EIF3B: variants seen among roughly 807,000 people sequenced by gnomAD.
The protein encoded by EIF3B is eukaryotic translation initiation factor 3 subunit B.
In EIF3B, 10 loss-of-function variants were observed where a neutral mutation model predicts 104.6. The observed-to-expected ratio is 0.10, with a 90% confidence interval of 0.06 to 0.16. The LOEUF is 0.16. Ranked by LOEUF, EIF3B falls within the 10% of genes least tolerant of loss-of-function variation. The pLI is 1.00. For missense variants in EIF3B, 1,014 were observed against 1,087.9 expected, an observed-to-expected ratio of 0.93 and a Z score of 0.96; for synonymous variants, 542 against 417.2, an observed-to-expected ratio of 1.30 and a Z score of -3.65.
intron 1 of EIF3B, among the ~76,000 whole-genome samples, chr7:2,357,910 A>C (rs988799307): frequency 6.6e-6 from 1 of 152,168 alleles, no homozygotes; most frequent in Non-Finnish European, 1.5e-5. Context: ...CAGGCTTGTC[A>C]GGCTATTTAA....
At chr7:2,366,051 C>T (rs1382711871) in intron 6 of EIF3B, among the ~76,000 whole-genome samples, 1 of 152,184 alleles carries the variant, frequency 6.6e-6, no homozygotes, top group Non-Finnish European at 1.5e-5. Context: ...CTGCGCCACC[C>T]TCTGGATCAC....
At chr7:2,366,764 A>T in intron 8 of EIF3B, 173 bp downstream of exon 8, 1 of 822,842 alleles carries the variant, frequency 1.2e-6, no homozygotes, top group Non-Finnish European at 1.9e-6. Context: ...CTCTTCAGTC[A>T]CTCCTGCCCA....
Position 2,360,079 on chromosome 7 carries a change from C to G in EIF3B, c.500-631C>G, listed in dbSNP as rs373505467. Among the ~76,000 whole-genome samples the G allele has an allele frequency of 7.6e-4, 115 of 152,288 alleles. 3 individuals carry two copies. The South Asian group carries it at 0.023, about 31-fold the overall frequency. ...TCCTCTTTGGGTTTTTTCCCCATCC[C>G]CTGTGAATGGCCATCCAGTTCACGG... On this transcript the variant is annotated intron_variant, in intron 1 of 18. Transcript: ENST00000360876.
intron 10 of EIF3B, among the ~76,000 whole-genome samples, chr7:2,370,815 C>T (rs1222704674): frequency 6.6e-6 from 1 of 152,180 alleles, no homozygotes; most frequent in African/African-American, 2.4e-5. Context: ...GTGGCTCACG[C>T]CTGTAATCCC....
In EIF3B at chr7:2,357,227, C is replaced by G. The variant is rs184947238; in HGVS notation, c.499+1807C>G. On this transcript the variant is annotated intron_variant, in intron 1 of 18. Coordinates refer to ENST00000360876, the MANE Select transcript of EIF3B (RefSeq NM_001037283.2). ...GAAGAGTCAGAGGATGCTAATATGA[C>G]GACAGGGTTGGCCAGGCTGGGTGAC... Among the ~76,000 whole-genome samples the G allele has an allele frequency of 1.2e-4, 19 of 152,238 alleles. No individual in the cohort carries two copies. The South Asian group carries it at 3.9e-3, about 32-fold the overall frequency.
At chr7:2,372,418 C>T (rs1326948509) in intron 11 of EIF3B, among the ~76,000 whole-genome samples, 2 of 152,292 alleles carry the variant, frequency 1.3e-5, no homozygotes, top group South Asian at 2.1e-4. Context: ...CGGGCTCCTG[C>T]GGTCCTGCTG....
At chr7:2,366,737 C>A in intron 8 of EIF3B, 146 bp downstream of exon 8, 2 of 964,382 alleles carry the variant, frequency 2.1e-6, no homozygotes, top group South Asian at 1.6e-5. Flanking sequence ...TTTTAACTGC[C>A]CCTGCTCTGG....
chr7:2,379,230 G>A lies in EIF3B; in HGVS notation c.2329G>A (p.Glu777Lys), dbSNP rs1161995207. Reference protein sequence around the residue: ...LYMEQKNERLELRGGVDTDEL... With the variant: ...LYMEQKNERLKLRGGVDTDEL... ...TATGGAGCAGAAAAACGAGCGCCTG[G>A]AGTTGCGAGGAGGTAACTTAGAGAT... The change falls in exon 17 of 19, where the codon GAG becomes AAG. Residue 777 changes from glutamate (E) to lysine (K), a missense_variant. Glu to Lys is a moderately conservative substitution (Grantham distance 56). Transcript: ENST00000360876. 6 of 1,612,042 alleles carry A rather than the reference G, an allele frequency of 3.7e-6. No individual in the cohort carries two copies. The highest frequency in any genetic ancestry group is 5.1e-6 in the Non-Finnish European group (6 of 1,179,026).
At chr7:2,376,818 G>C in intron 14 of EIF3B, 132 bp from the exon 15 acceptor site, 1 of 1,359,968 alleles carries the variant, frequency 7.4e-7, no homozygotes, top group Non-Finnish European at 9.9e-7. Context: ...CCTGCTGTCA[G>C]CTCAGCACAG....
intron 6 of EIF3B, among the ~76,000 whole-genome samples, chr7:2,365,671 G>T (rs141235286): frequency 0.61 from 65,818 of 108,478 alleles, 16,141 homozygotes; most frequent in East Asian, 0.77. Flanking sequence ...TTGTTTGTTT[G>T]TTTGTTTTGT....
At chr7:2,368,446 G>A (rs1022216927) in intron 9 of EIF3B, among the ~76,000 whole-genome samples, 2 of 152,198 alleles carry the variant, frequency 1.3e-5, no homozygotes, top group African/African-American at 4.8e-5. Flanking sequence ...CACCGCGCCC[G>A]GCCTAAGGTG....
At chr7:2,379,642 GTTA>G in intron 18 of EIF3B, 131 bp downstream of exon 18, 2 of 662,924 alleles carry the variant, frequency 3.0e-6, no homozygotes, top group South Asian at 1.8e-5. Flanking sequence ...TGTGCCCAGG[GTTA>G]GCTGAGCCTC....
At chr7:2,374,779 C>T in intron 13 of EIF3B, 173 bp downstream of exon 13, 1 of 577,556 alleles carries the variant, frequency 1.7e-6, no homozygotes, top group Non-Finnish European at 3.0e-6. Flanking sequence ...CACGGTACTC[C>T]AGGACTCAGG....
chr7:2,364,855 C>A (rs1480369188), intron 6 of EIF3B, among the ~76,000 whole-genome samples: 1 of 152,206 alleles, frequency 6.6e-6, no homozygotes, highest in African/African-American at 2.4e-5. Flanking sequence ...TCATTTAATA[C>A]TTCAATGTAT....
At chr7:2,367,344 C>T (rs889837475) in intron 9 of EIF3B, among the ~76,000 whole-genome samples, 4 of 151,326 alleles carry the variant, frequency 2.6e-5, no homozygotes, top group Non-Finnish European at 5.9e-5. Context: ...GGACCTCCCA[C>T]CCCCCAAAAG....
chr7:2,369,357 C>A (rs1780195873), intron 9 of EIF3B, 115 bp from the exon 10 acceptor site: 1 of 1,128,136 alleles, frequency 8.9e-7, no homozygotes. Flanking sequence ...CGCTCAGCGT[C>A]AGCTGTGACA....
intron 10 of EIF3B, among the ~76,000 whole-genome samples, chr7:2,370,361 C>G (rs1358976414): frequency 2.0e-5 from 3 of 151,920 alleles, no homozygotes; most frequent in Non-Finnish European, 4.4e-5. Flanking sequence ...CCTGTAGTCC[C>G]AGCTACTCGG....
chr7:2,356,110 C>T (rs1779415795), intron 1 of EIF3B, among the ~76,000 whole-genome samples: 1 of 152,184 alleles, frequency 6.6e-6, no homozygotes, highest in Non-Finnish European at 1.5e-5. Flanking sequence ...GAAGCTACTT[C>T]TGATGAGAGC....
chr7:2,379,185 A>G lies in EIF3B; in HGVS notation c.2284A>G (p.Lys762Glu). The G allele has an allele frequency of 6.2e-7, 1 of 1,613,918 alleles. No homozygotes were observed. Among genetic ancestry groups the G allele is most frequent in the Non-Finnish European group, 8.5e-7 (1 of 1,179,936 alleles). The change falls in exon 17 of 19, where the codon AAA becomes GAA. Residue 762 changes from lysine (K) to glutamate (E), a missense_variant. Around this residue, in one of 4 missense-constraint regions of EIF3B, gnomAD observed 266 missense variants for 324.0 expected, o/e 0.82. Transcript: ENST00000360876. ...TMMEDFRKYR[K>E]MAQELYMEQK... ...GATGGAAGATTTCCGGAAGTACCGG[A>G]AAATGGCCCAGGAGCTCTATATGGA...
Sources: gnomAD v4.1 joint callset for allele counts (sites outside exome capture counted in the v4.1 genomes callset) on GRCh38, gnomAD v4.1.1 for gene constraint, gnomAD v4.1.1 regional missense constraint, MANE v1.5 for transcripts, NCBI Gene and HGNC (gene_info 2026-07-23, HGNC 2026-07-21) for gene names.